Variants in MAPK10 observed in about 807,000 individuals in gnomAD.
MAPK10 encodes mitogen-activated protein kinase 10.
In MAPK10, 25 loss-of-function variants were observed where a neutral mutation model predicts 59.3. That is an observed-to-expected ratio of 0.42 (90% CI 0.31 to 0.59). MAPK10 has a LOEUF of 0.59. Among genes scored for constraint, MAPK10 ranks in the 20% least tolerant of loss-of-function variants. The pLI, the probability that MAPK10 is intolerant of heterozygous loss-of-function variation, is 0.15. For synonymous variants in MAPK10, 190 were observed against 200.5 expected (o/e 0.95, Z 0.44); for missense variants, 351 against 568.9 (o/e 0.62, Z 3.90).
chr4:86,140,946 A>G (rs2063517567), intron 4 of MAPK10, among the ~76,000 whole-genome samples: 1 of 152,222 alleles, frequency 6.6e-6, no homozygotes, highest in Non-Finnish European at 1.5e-5. Context: ...GGAAGGAAAC[A>G]TAAATTATGC....
intron 2 of MAPK10, among the ~76,000 whole-genome samples, chr4:86,224,437 A>G (rs1053467377): frequency 6.6e-6 from 1 of 152,220 alleles, no homozygotes; most frequent in African/African-American, 2.4e-5. Flanking sequence ...GCACTAGGTA[A>G]AAAAGGAAGG....
chr4:86,187,198 C>T (rs554040724), intron 3 of MAPK10, among the ~76,000 whole-genome samples: 1 of 152,244 alleles, frequency 6.6e-6, no homozygotes, highest in African/African-American at 2.4e-5. Context: ...GAACCCTATA[C>T]ATATATACCT....
rs570768285 is a variant in MAPK10, at chr4:86,239,074, TA to T, written c.-6-44668del. On this transcript the variant is annotated intron_variant, in intron 2 of 13. Transcript: ENST00000641462. ...AACCCGAAGGGATGTTGAATTTTAT[TA>T]AAGGCCTTTTCTGCATCTATTGAGA... Among the ~76,000 whole-genome samples the T allele has an allele frequency of 7.6e-3, 1,153 of 152,274 alleles. 14 individuals are homozygous for T. The highest frequency in any genetic ancestry group is 0.026 in the African/African-American group (1,097 of 41,568).
At chr4:86,213,903 C>A (rs1327862967) in intron 2 of MAPK10, among the ~76,000 whole-genome samples, 2 of 152,056 alleles carry the variant, frequency 1.3e-5, no homozygotes, top group Non-Finnish European at 2.9e-5. Context: ...AAAAGCCAGA[C>A]AAAGATATTA....
chr4:86,486,511 T>C (rs1211590523), intron 1 of MAPK10, among the ~76,000 whole-genome samples: 1 of 152,214 alleles, frequency 6.6e-6, no homozygotes, highest in African/African-American at 2.4e-5. Flanking sequence ...GATATGGGTA[T>C]AGCAATTGTG....
At chr4:86,577,449 C>T (rs1761983441) in intron 1 of MAPK10, among the ~76,000 whole-genome samples, 1 of 151,912 alleles carries the variant, frequency 6.6e-6, no homozygotes, top group Non-Finnish European at 1.5e-5. Flanking sequence ...AACAATGATA[C>T]AAAGAAATTC....
intron 1 of MAPK10, among the ~76,000 whole-genome samples, chr4:86,434,363 A>C (rs1362342353): frequency 2.6e-5 from 4 of 152,244 alleles, no homozygotes; most frequent in Non-Finnish European, 5.9e-5. Flanking sequence ...GACAACCCAC[A>C]GAATGGGAGA....
At chr4:86,218,585 A>C (rs1264083194) in intron 2 of MAPK10, among the ~76,000 whole-genome samples, 6 of 149,574 alleles carry the variant, frequency 4.0e-5, no homozygotes, top group Non-Finnish European at 7.4e-5. Flanking sequence ...AAAAAAAAAA[A>C]AACACTTTGG....
At chr4:86,505,118 T>C (rs1755631829) in intron 1 of MAPK10, among the ~76,000 whole-genome samples, 1 of 152,156 alleles carries the variant, frequency 6.6e-6, no homozygotes, top group South Asian at 2.1e-4. Flanking sequence ...CCTTCACCTG[T>C]TTCTGGAACT....
rs35581530 is a variant in MAPK10 at position 86,380,859 on chromosome 4, T to TAAAA, written c.-121-26219_-121-26216dup. Among the ~76,000 whole-genome samples the TAAAA allele has an allele frequency of 3.6e-3, 491 of 137,122 alleles. 11 individuals are homozygous for TAAAA. The highest frequency in any genetic ancestry group is 8.0e-3 in the East Asian group (37 of 4,646). The allele number at this position is 137,122 out of a possible 152,430, so 90.0% of individuals were successfully genotyped here. A position where few individuals can be genotyped will look rare whatever the true frequency, so the allele number is the denominator to read the frequency against. ...TTCTGTACTTTTTGTTGGAAAGCAT[T>TAAAA]AAAAAAAAAAAAAAAACACTGGATC... On this transcript the variant is annotated intron_variant, in intron 1 of 13. Transcript: ENST00000361569.
chr4:86,347,479 C>T (rs1257350906), intron 2 of MAPK10, among the ~76,000 whole-genome samples: 1 of 152,122 alleles, frequency 6.6e-6, no homozygotes, highest in East Asian at 1.9e-4. Flanking sequence ...CCCCATCTTC[C>T]TAAGACACAT....
chr4:86,338,436 G>C (rs1722851954), intron 2 of MAPK10, among the ~76,000 whole-genome samples: 1 of 152,102 alleles, frequency 6.6e-6, no homozygotes, highest in African/African-American at 2.4e-5. Context: ...AAGTGTTTTG[G>C]ACAGATCACC....
chr4:86,132,713 T>C (rs544033603), intron 4 of MAPK10, among the ~76,000 whole-genome samples: 1 of 152,272 alleles, frequency 6.6e-6, no homozygotes, highest in East Asian at 1.9e-4. Context: ...CAGCATTAGA[T>C]TCTCATAGGA....
chr4:86,527,972 T>G (rs1757594150), intron 1 of MAPK10, among the ~76,000 whole-genome samples: 1 of 151,944 alleles, frequency 6.6e-6, no homozygotes. Context: ...GACATAAAGA[T>G]GGGAACAATA....
At chr4:86,375,919 TTCTC>T (rs1739738666) in intron 1 of MAPK10, among the ~76,000 whole-genome samples, 1 of 152,080 alleles carries the variant, frequency 6.6e-6, no homozygotes, top group South Asian at 2.1e-4. Flanking sequence ...TATAAATTAA[TTCTC>T]TCAGTTCCAC....
At chr4:86,153,279 G>T (rs1476458639) in intron 4 of MAPK10, among the ~76,000 whole-genome samples, 2 of 152,108 alleles carry the variant, frequency 1.3e-5, no homozygotes, top group East Asian at 1.9e-4. Flanking sequence ...TTACAGAAAA[G>T]ACTCAATCAT....
intron 3 of MAPK10, among the ~76,000 whole-genome samples, chr4:86,163,226 G>A (rs2070436266): frequency 6.6e-6 from 1 of 152,080 alleles, no homozygotes; most frequent in African/African-American, 2.4e-5. Context: ...TAGCAAATAT[G>A]ATGTGTTAAA....
rs543911366 is a variant in MAPK10, at chr4:86,129,976, C to T, written c.237-22624G>A. ...TCTGGGCTATTGGCAAAAATGAAAA[C>T]GTGTGTATGAATGTGTGCACATGCG... On this transcript the variant is annotated intron_variant, in intron 4 of 13. Coordinates refer to ENST00000641462, the MANE Select transcript of MAPK10 (RefSeq NM_138982.4). Among the ~76,000 whole-genome samples, 6 of 152,190 alleles carry T rather than the reference C, an allele frequency of 3.9e-5. No individual in the cohort carries two copies. In the South Asian group the frequency reaches 6.2e-4, roughly 16 times the overall value.
chr4:86,263,532 A>G (rs763009120), intron 2 of MAPK10, among the ~76,000 whole-genome samples: 1 of 151,908 alleles, frequency 6.6e-6, no homozygotes, highest in South Asian at 2.1e-4. Context: ...CCCTGGTCCA[A>G]ACTAACTGTC....
Sources: gnomAD v4.1 joint callset for allele counts (sites outside exome capture counted in the v4.1 genomes callset) on GRCh38, gnomAD v4.1.1 for gene constraint, MANE v1.5 for transcripts, NCBI Gene and HGNC (gene_info 2026-07-23, HGNC 2026-07-21) for gene names.